Variants in CTNNA1 observed in about 807,000 individuals in gnomAD.
CTNNA1 encodes the protein catenin alpha 1, also known as catenin alpha-1.
Under a neutral mutation model 98.4 loss-of-function variants are expected in CTNNA1, and 37 were observed. The observed-to-expected ratio is 0.38, with a 90% CI of 0.29 to 0.49. The LOEUF (loss-of-function observed/expected upper bound fraction) is 0.49, where lower values mean the gene tolerates loss of function less well. CTNNA1 is among the 20% of genes least tolerant of loss of function. The pLI, the probability that CTNNA1 is intolerant of heterozygous loss-of-function variation, is 0.95. For missense variants in CTNNA1, 761 were observed against 1,147.2 expected, an observed-to-expected ratio of 0.66 and a Z score of 4.86; for synonymous variants, 404 against 413.2, an observed-to-expected ratio of 0.98 and a Z score of 0.27.
intron 1 of CTNNA1, among the ~76,000 whole-genome samples, chr5:138,779,465 C>T (rs976671107): frequency 6.6e-6 from 1 of 151,994 alleles, no homozygotes; most frequent in African/African-American, 2.4e-5. Context: ...TAGTCTTGTC[C>T]CCTTTCCGCA....
intron 9 of CTNNA1, chr5:138,891,083 C>G (rs1314829626): frequency 6.6e-6 from 1 of 152,174 alleles, no homozygotes; most frequent in Non-Finnish European, 1.5e-5. Flanking sequence ...ATGGTTGTTA[C>G]CCAGTGATTT....
At chr5:138,772,237 T>C (rs73267562) in intron 1 of CTNNA1, among the ~76,000 whole-genome samples, 1,877 of 152,368 alleles carry the variant, frequency 0.012, 45 homozygotes, top group African/African-American at 0.038. Context: ...AGCAAACTTT[T>C]GCTTTATAGC....
chr5:138,827,726 T>G lies in CTNNA1; in HGVS notation c.1062+8T>G, dbSNP rs1376374432. On this transcript the variant is annotated splice_region_variant and intron_variant, in intron 7 of 17. Coordinates refer to ENST00000302763, the MANE Select transcript of CTNNA1 (RefSeq NM_001903.5). Reference sequence around the variant, plus strand: ...TCGGAGTACATGGGCAATGTGAGTTTGACAGCTTTTCTTTGAAGTAAGATA... The same window carrying G: ...TCGGAGTACATGGGCAATGTGAGTTGGACAGCTTTTCTTTGAAGTAAGATA... The G allele has an allele frequency of 6.2e-7, 1 of 1,613,722 alleles. No homozygotes were observed. The highest frequency in any genetic ancestry group is 8.5e-7 in the Non-Finnish European group (1 of 1,179,750).
intron 9 of CTNNA1, among the ~76,000 whole-genome samples, chr5:138,890,435 G>A (rs1186395182): frequency 1.3e-5 from 2 of 152,162 alleles, no homozygotes; most frequent in Non-Finnish European, 2.9e-5. Flanking sequence ...AATCTGAGGG[G>A]TTCCTATGAC....
In CTNNA1 at chr5:138,783,231, C is replaced by T. The variant is rs781520852; in HGVS notation, c.160C>T (p.Arg54Cys). The T allele has an allele frequency of 6.8e-6, 11 of 1,613,870 alleles. No individual in the cohort carries two copies. In the South Asian group the frequency reaches 8.8e-5, roughly 13 times the overall value. The change falls in exon 3 of 18, where the codon CGT (arginine) becomes TGT (cysteine). Residue 54 changes from arginine (R) to cysteine (C), a missense_variant. Coordinates refer to ENST00000302763, the MANE Select transcript of CTNNA1 (RefSeq NM_001903.5). ...SKGPSNKKRG[R>C]SKKAHVLAAS... ...AGGGCCCTCTAATAAGAAGAGAGGT[C>T]GTTCTAAGAAGGCCCATGTTTTGGC...
At chr5:138,825,482 G>GTTTTTTTTTGTTTTTTTTTTTTTTTTTT (rs1760586979) in intron 6 of CTNNA1, among the ~76,000 whole-genome samples, 1 of 74,114 alleles carries the variant, frequency 1.3e-5, no homozygotes, top group African/African-American at 5.8e-5. Context: ...AGCAGTATAA[G>GTTTTTTTTTGTTTTTTTTTTTTTTTTTT]TTTTTTTTTT....
chr5:138,799,894 G>A (rs58819482), intron 3 of CTNNA1, among the ~76,000 whole-genome samples: 3 of 38,046 alleles, frequency 7.9e-5, no homozygotes, highest in Non-Finnish European at 1.2e-4. Flanking sequence ...GTATGTATGT[G>A]TGTGTGTATG....
chr5:138,777,269 G>T (rs1754416963), intron 1 of CTNNA1, among the ~76,000 whole-genome samples: 2 of 151,536 alleles, frequency 1.3e-5, no homozygotes, highest in Non-Finnish European at 2.9e-5. Flanking sequence ...GGGCGGCCGG[G>T]CAGAGACGCT....
chr5:138,799,220 G>A (rs1325708069), intron 3 of CTNNA1, among the ~76,000 whole-genome samples: 1 of 152,062 alleles, frequency 6.6e-6, no homozygotes, highest in East Asian at 1.9e-4. Flanking sequence ...GAGTGCAATG[G>A]CGTGACCTCG....
chr5:138,770,594 T>G (rs1447317952), intron 1 of CTNNA1, among the ~76,000 whole-genome samples: 1 of 152,184 alleles, frequency 6.6e-6, no homozygotes, highest in South Asian at 2.1e-4. Flanking sequence ...AATGCTCTCT[T>G]CCTCCAGATA....
intron 7 of CTNNA1, among the ~76,000 whole-genome samples, chr5:138,868,157 A>T (rs1411575437): frequency 6.6e-6 from 1 of 152,230 alleles, no homozygotes; most frequent in Non-Finnish European, 1.5e-5. Flanking sequence ...TGACGGTATT[A>T]AATATGTGTT....
intron 5 of CTNNA1, among the ~76,000 whole-genome samples, chr5:138,821,614 C>T (rs968129831): frequency 6.6e-6 from 1 of 152,122 alleles, no homozygotes. Flanking sequence ...TGAGAGGAAA[C>T]TTCCACTTGA....
chr5:138,762,851 A>G lies in CTNNA1; in HGVS notation c.-3+9341A>G, dbSNP rs1007983074. Among the ~76,000 whole-genome samples the G allele has an allele frequency of 3.3e-5, 5 of 152,112 alleles. No homozygotes were observed. In the South Asian group the frequency reaches 1.0e-3, roughly 31 times the overall value. Reference sequence around the variant, plus strand: ...GGGATGGAACTATATTGTGGAAGCTAATGTAATTTTTGTCTCTAAGAGGTT... The same window carrying G: ...GGGATGGAACTATATTGTGGAAGCTGATGTAATTTTTGTCTCTAAGAGGTT... On this transcript the variant is annotated intron_variant, in intron 1 of 17. Coordinates refer to ENST00000302763, the MANE Select transcript of CTNNA1 (RefSeq NM_001903.5).
At chr5:138,868,797 A>C (rs1337993105) in intron 7 of CTNNA1, 1 of 152,154 alleles carries the variant, frequency 6.6e-6, no homozygotes, top group East Asian at 1.9e-4. Context: ...GACACATTTG[A>C]CATTGTAGAG....
intron 1 of CTNNA1, among the ~76,000 whole-genome samples, chr5:138,762,867 C>T (rs1332555061): frequency 6.6e-6 from 1 of 151,922 alleles, no homozygotes; most frequent in African/African-American, 2.4e-5. Flanking sequence ...ATTTTTGTCT[C>T]TAAGAGGTTT....
At chr5:138,775,649 A>G (rs558245952) in intron 1 of CTNNA1, among the ~76,000 whole-genome samples, 2 of 152,044 alleles carry the variant, frequency 1.3e-5, no homozygotes, top group South Asian at 4.2e-4. Flanking sequence ...CCCTTTCTCA[A>G]CACAATTTCA....
At chr5:138,779,127 C>G (rs182831569) in intron 1 of CTNNA1, among the ~76,000 whole-genome samples, 11 of 152,284 alleles carry the variant, frequency 7.2e-5, no homozygotes, top group Non-Finnish European at 1.5e-4. Flanking sequence ...GATCCACCCA[C>G]TTTGGCCTCC....
intron 7 of CTNNA1, among the ~76,000 whole-genome samples, chr5:138,829,450 G>A (rs1761048069): frequency 6.6e-6 from 1 of 152,156 alleles, no homozygotes; most frequent in Non-Finnish European, 1.5e-5. Context: ...ACTTTGGTGG[G>A]AAGGAGGATG....
At chr5:138,788,301 T>C (rs1561526758) in intron 3 of CTNNA1, among the ~76,000 whole-genome samples, 1 of 152,196 alleles carries the variant, frequency 6.6e-6, no homozygotes, top group Non-Finnish European at 1.5e-5. Context: ...GTAAGATAAT[T>C]GATTATTCTC....
Sources: allele counts gnomAD v4.1 joint callset (sites outside exome capture counted in the v4.1 genomes callset), GRCh38; gene constraint gnomAD v4.1.1; transcripts MANE v1.5; gene names NCBI Gene and HGNC (gene_info 2026-07-23, HGNC 2026-07-21).